The following CCDC170 variants were observed in gnomAD, a reference collection of about 807,000 sequenced individuals.
CCDC170 encodes coiled-coil domain containing 170, also known as coiled-coil domain-containing protein 170.
CCDC170 carries 69 observed loss-of-function variants against 72.6 expected under a neutral mutation model. The observed-to-expected ratio is 0.95, with a 90% confidence interval of 0.78 to 1.16. The LOEUF (loss-of-function observed/expected upper bound fraction) is 1.16, where lower values mean the gene tolerates loss of function less well. Among genes scored for constraint, CCDC170 ranks in the 50% most tolerant of loss-of-function variants. The probability of loss-of-function intolerance (pLI) is 0.00; values close to 1 mark genes in which losing one functional copy is unlikely to be tolerated. For synonymous variants in CCDC170, 300 were observed against 303.9 expected (o/e 0.99, Z 0.13); for missense variants, 852 against 832.5 (o/e 1.02, Z -0.29).
At chr6:151,527,774 A>G (rs138058071) in intron 1 of CCDC170, among the ~76,000 whole-genome samples, 6 of 152,256 alleles carry the variant, frequency 3.9e-5, no homozygotes, top group African/African-American at 1.2e-4. Context: ...CGGTAATACA[A>G]TTGTGCACTG....
chr6:151,565,796 A>G (rs950003280), intron 5 of CCDC170, among the ~76,000 whole-genome samples: 13 of 152,202 alleles, frequency 8.5e-5, no homozygotes, highest in African/African-American at 3.1e-4. Context: ...ACATGTAACT[A>G]AGTCTTTAGT....
chr6:151,566,815 A>C (rs1223940124), intron 5 of CCDC170, among the ~76,000 whole-genome samples: 2 of 152,188 alleles, frequency 1.3e-5, no homozygotes, highest in African/African-American at 4.8e-5. Flanking sequence ...AATACTGCTT[A>C]TGTTAGTATT....
At chr6:151,564,743 G>C (rs1391611146) in intron 5 of CCDC170, among the ~76,000 whole-genome samples, 3 of 152,148 alleles carry the variant, frequency 2.0e-5, no homozygotes, top group Non-Finnish European at 4.4e-5. Flanking sequence ...TGGTGGATGT[G>C]GCAGAGTAAT....
chr6:151,507,141 G>C (rs1782077825), intron 1 of CCDC170, among the ~76,000 whole-genome samples: 1 of 152,082 alleles, frequency 6.6e-6, no homozygotes, highest in Non-Finnish European at 1.5e-5. Flanking sequence ...CAGAGGGCAG[G>C]GTATAGCTAG....
intron 5 of CCDC170, among the ~76,000 whole-genome samples, chr6:151,555,175 C>T (rs1395092467): frequency 6.6e-6 from 1 of 151,952 alleles, no homozygotes; most frequent in Non-Finnish European, 1.5e-5. Context: ...AGCCACCGTG[C>T]CCAGCCTGGA....
chr6:151,555,164 G>A (rs941080347), intron 5 of CCDC170, among the ~76,000 whole-genome samples: 1 of 151,924 alleles, frequency 6.6e-6, no homozygotes, highest in African/African-American at 2.4e-5. Context: ...TTACAGATGT[G>A]AGCCACCGTG....
At chr6:151,576,662 C>T (rs555831581) in intron 6 of CCDC170, among the ~76,000 whole-genome samples, 1 of 152,192 alleles carries the variant, frequency 6.6e-6, no homozygotes, top group Admixed American at 6.5e-5. Flanking sequence ...AATAGCTGCC[C>T]TCCCTATTTA....
intron 5 of CCDC170, among the ~76,000 whole-genome samples, chr6:151,557,540 T>A (rs190976771): frequency 2.2e-4 from 33 of 152,332 alleles, no homozygotes; most frequent in Admixed American, 9.8e-4. Flanking sequence ...GTCCTTTCCT[T>A]TGGATAAATA....
In CCDC170 at chr6:151,538,260, G is replaced by A. The variant is rs555006174; in HGVS notation, c.402G>A (p.Gln134=). Residue 134 remains glutamine (Q), a synonymous_variant, in exon 3 of 11, where the codon CAG becomes CAA. Coordinates refer to ENST00000239374, the MANE Select transcript of CCDC170 (RefSeq NM_025059.4). ...CTCACGCTGCAATCAAGGAGAACCA[G>A]GAATTAAAGAAGAAAGTTGTAGAGT... ...ITAHAAIKEN[Q]ELKKKVVELN... 22 of 1,613,584 alleles carry A rather than the reference G, an allele frequency of 1.4e-5. No individual in the cohort carries two copies. The highest frequency in any genetic ancestry group is 4.4e-5 in the South Asian group (4 of 91,060).
chr6:151,545,660 G>T (rs1219732447), intron 4 of CCDC170, among the ~76,000 whole-genome samples: 1 of 151,654 alleles, frequency 6.6e-6, no homozygotes, highest in Non-Finnish European at 1.5e-5. Flanking sequence ...TTAGAGACAA[G>T]ATCTTGCTCT....
chr6:151,503,135 C>T (rs973710496), intron 1 of CCDC170, among the ~76,000 whole-genome samples: 1 of 152,092 alleles, frequency 6.6e-6, no homozygotes, highest in African/African-American at 2.4e-5. Flanking sequence ...CGAGATCACG[C>T]CGCTGCCCTC....
chr6:151,594,463 A>G (rs1329420350), intron 8 of CCDC170, among the ~76,000 whole-genome samples: 6 of 152,232 alleles, frequency 3.9e-5, no homozygotes, highest in South Asian at 2.1e-4. Context: ...TATAAAAGAT[A>G]GCATACAAAC....
intron 5 of CCDC170, among the ~76,000 whole-genome samples, chr6:151,549,284 C>T (rs1269949859): frequency 2.6e-5 from 4 of 151,962 alleles, no homozygotes; most frequent in Non-Finnish European, 5.9e-5. Context: ...GATCTGCCCA[C>T]CTTGACCTCC....
At chr6:151,578,246 C>A (rs1419858569) in intron 6 of CCDC170, among the ~76,000 whole-genome samples, 1 of 152,152 alleles carries the variant, frequency 6.6e-6, no homozygotes, top group Admixed American at 6.5e-5. Flanking sequence ...CGACAAAGTA[C>A]CGCAACTGGG....
intron 9 of CCDC170, among the ~76,000 whole-genome samples, chr6:151,600,506 G>A (rs1363684839): frequency 6.6e-6 from 1 of 151,902 alleles, no homozygotes; most frequent in Non-Finnish European, 1.5e-5. Flanking sequence ...GTTGGTGTTA[G>A]GGCCCATCCT....
At chr6:151,581,326 G>A (rs916173993) in intron 6 of CCDC170, among the ~76,000 whole-genome samples, 2 of 152,046 alleles carry the variant, frequency 1.3e-5, no homozygotes, top group Non-Finnish European at 2.9e-5. Context: ...AATGTTTATT[G>A]TCATTTCAAC....
chr6:151,578,620 C>T (rs1474100610), intron 6 of CCDC170, among the ~76,000 whole-genome samples: 1 of 152,124 alleles, frequency 6.6e-6, no homozygotes, highest in Non-Finnish European at 1.5e-5. Context: ...TTCAACATAT[C>T]TTTTTTGAGG....
intron 1 of CCDC170, among the ~76,000 whole-genome samples, chr6:151,531,852 A>G (rs1193496807): frequency 6.6e-6 from 1 of 152,212 alleles, no homozygotes; most frequent in African/African-American, 2.4e-5. Flanking sequence ...TTATAAAACC[A>G]TCAGATCTCA....
intron 5 of CCDC170, among the ~76,000 whole-genome samples, chr6:151,557,694 G>T (rs1399021562): frequency 2.0e-5 from 3 of 152,094 alleles, no homozygotes; most frequent in African/African-American, 7.2e-5. Context: ...GTATCCTTGC[G>T]AGCATCTGTT....
Sources: gnomAD v4.1 joint callset for allele counts (sites outside exome capture counted in the v4.1 genomes callset) on GRCh38, gnomAD v4.1.1 for gene constraint, MANE v1.5 for transcripts, NCBI Gene and HGNC (gene_info 2026-07-23, HGNC 2026-07-21) for gene names.